Variants in ADAM32 observed in about 807,000 individuals in gnomAD.
ADAM32 encodes ADAM metallopeptidase domain 32, also known as disintegrin and metalloproteinase domain-containing protein 32.
ADAM32 carries 89 observed loss-of-function variants against 114.9 expected under a neutral mutation model. The ratio of observed to expected loss-of-function variants is 0.77; its 90% CI spans 0.65 to 0.92. ADAM32 has a LOEUF of 0.92. Among genes scored for constraint, ADAM32 ranks in the 40% least tolerant of loss-of-function variants. ADAM32 has a pLI of 0.00. For missense variants in ADAM32, 870 were observed against 932.8 expected (o/e 0.93, Z 0.88); for synonymous variants, 285 against 307.5 (o/e 0.93, Z 0.77).
intron 2 of ADAM32, among the ~76,000 whole-genome samples, chr8:39,135,098 T>A (rs1220746246): frequency 6.6e-6 from 1 of 152,108 alleles, no homozygotes; most frequent in Non-Finnish European, 1.5e-5. Flanking sequence ...GAAGTTGCGG[T>A]GAGCTGAGAT....
chr8:39,257,337 G>C lies in ADAM32; in HGVS notation c.2156G>C (p.Ser719Thr), dbSNP rs1811718200. The change falls in exon 19 of 25, where the codon AGT (serine) becomes ACT (threonine). Residue 719 changes from serine to threonine, a missense_variant. Transcript: ENST00000379907. ...TTCGCCAAGGAAGAGGAATTCCCAA[G>C]TAGCGAGTAAATTGCATTTGTGTTC... The part of the protein sequence containing the change: ...KWFAKEEEFP[S>T]SESKSEGSTQ... 1 of 1,612,868 alleles carries C rather than the reference G, an allele frequency of 6.2e-7. No individual in the cohort carries two copies. The highest frequency in any genetic ancestry group is 8.5e-7 in the Non-Finnish European group (1 of 1,179,290).
chr8:39,190,359 G>C (rs897690466), intron 11 of ADAM32, among the ~76,000 whole-genome samples: 3 of 152,108 alleles, frequency 2.0e-5, no homozygotes, highest in Non-Finnish European at 4.4e-5. Context: ...AAACATGAAG[G>C]TTCAGGTATC....
At chr8:39,234,340 G>C (rs1809962227) in intron 16 of ADAM32, among the ~76,000 whole-genome samples, 1 of 150,164 alleles carries the variant, frequency 6.7e-6, no homozygotes, top group South Asian at 2.1e-4. Context: ...TTGGGAGAGA[G>C]TCTTGGGAAT....
At chr8:39,179,299 G>A (rs571690926) in intron 10 of ADAM32, among the ~76,000 whole-genome samples, 4 of 152,304 alleles carry the variant, frequency 2.6e-5, no homozygotes, top group South Asian at 2.1e-4. Context: ...AACTTAGTCC[G>A]TCTCAGTCAG....
intron 24 of ADAM32, among the ~76,000 whole-genome samples, chr8:39,283,912 T>A (rs1340227377): frequency 1.3e-5 from 2 of 152,118 alleles, no homozygotes; most frequent in East Asian, 3.9e-4. Context: ...TAGCTGGGAT[T>A]ACAGGCGTGT....
At chr8:39,253,983 A>T (rs1811467997) in intron 17 of ADAM32, among the ~76,000 whole-genome samples, 1 of 151,736 alleles carries the variant, frequency 6.6e-6, no homozygotes, top group Admixed American at 6.6e-5. Flanking sequence ...TTCAAAATAC[A>T]GTACAAAGGT....
intron 3 of ADAM32, among the ~76,000 whole-genome samples, chr8:39,145,341 C>T (rs941975877): frequency 6.6e-6 from 1 of 152,126 alleles, no homozygotes; most frequent in Non-Finnish European, 1.5e-5. Flanking sequence ...CAAGGCACTA[C>T]TGAACAAAAA....
chr8:39,229,408 A>C (rs1353732853), intron 14 of ADAM32, among the ~76,000 whole-genome samples: 1 of 152,224 alleles, frequency 6.6e-6, no homozygotes, highest in East Asian at 1.9e-4. Flanking sequence ...AGAACTGCAG[A>C]ATGTATAAAA....
rs28389168 is a variant in ADAM32 at position 39,271,020 on chromosome 8, A to G, written c.2201+106A>G. 1.4e-3 allele frequency: 1,321 copies of G among 971,892 alleles called. 7 individuals are homozygous for G. The African/African-American group carries it at 0.019, about 14-fold the overall frequency. 60.2% of individuals were successfully genotyped at this position (971,892 alleles called of 1,614,324 possible). On this transcript the variant is annotated intron_variant, in intron 20 of 24. Coordinates refer to ENST00000379907, the MANE Select transcript of ADAM32 (RefSeq NM_145004.7). Reference sequence around the variant, plus strand: ...TTTTTTGAACATCAATTGGTAAAGCAATGCACTGAAATCCAGACTGCTAAT... The same window carrying G: ...TTTTTTGAACATCAATTGGTAAAGCGATGCACTGAAATCCAGACTGCTAAT...
chr8:39,142,559 T>C (rs1464201252), intron 3 of ADAM32, among the ~76,000 whole-genome samples: 1 of 152,228 alleles, frequency 6.6e-6, no homozygotes, highest in Non-Finnish European at 1.5e-5. Flanking sequence ...GTAGGGTTTC[T>C]GCCGAGAGAT....
intron 7 of ADAM32, among the ~76,000 whole-genome samples, chr8:39,162,167 C>A: frequency 8.8e-6 from 1 of 113,336 alleles, no homozygotes; most frequent in East Asian, 3.0e-4. Flanking sequence ...CCCCTCCCCC[C>A]ACCCCACAAT....
intron 19 of ADAM32, among the ~76,000 whole-genome samples, chr8:39,258,473 G>A (rs1811805501): frequency 6.6e-6 from 1 of 151,864 alleles, no homozygotes; most frequent in Non-Finnish European, 1.5e-5. Context: ...GAAAAATCTA[G>A]CAGGATTTCT....
chr8:39,180,475 G>A lies in ADAM32; in HGVS notation c.916-6434G>A, dbSNP rs554321921. Reference sequence around the variant, plus strand: ...CGAGCGCTGCCCCCTGCTCCACGGCGCCCAGTCCCATCGACCACCCGAGGG... The same window carrying A: ...CGAGCGCTGCCCCCTGCTCCACGGCACCCAGTCCCATCGACCACCCGAGGG... On this transcript the variant is annotated intron_variant, in intron 10 of 24. Coordinates refer to ENST00000379907, the MANE Select transcript of ADAM32 (RefSeq NM_145004.7). Among the ~76,000 whole-genome samples the A allele has an allele frequency of 5.6e-3, 854 of 152,312 alleles. 3 individuals carry two copies. The highest frequency in any genetic ancestry group is 0.037 in the Middle Eastern group (11 of 294).
chr8:39,231,974 A>C (rs1809762666), intron 14 of ADAM32, 53 bp from the exon 15 acceptor site: 1 of 1,354,390 alleles, frequency 7.4e-7, no homozygotes, highest in African/African-American at 1.5e-5. Context: ...GAAATGGAGG[A>C]AGATGAAAAA....
chr8:39,174,810 AT>A (rs1361332345), intron 10 of ADAM32, among the ~76,000 whole-genome samples: 7 of 151,874 alleles, frequency 4.6e-5, no homozygotes, highest in Non-Finnish European at 7.4e-5. Flanking sequence ...GATTCTTTCT[AT>A]TTATGAACAT....
At chr8:39,180,388 A>G (rs1438081537) in intron 10 of ADAM32, among the ~76,000 whole-genome samples, 1 of 152,158 alleles carries the variant, frequency 6.6e-6, no homozygotes, top group Non-Finnish European at 1.5e-5. Context: ...GCCATGCCTA[A>G]GCCTCCCCCG....
intron 11 of ADAM32, among the ~76,000 whole-genome samples, chr8:39,203,775 G>T (rs1196011581): frequency 6.6e-6 from 1 of 152,170 alleles, no homozygotes; most frequent in Non-Finnish European, 1.5e-5. Context: ...GGTACTGATT[G>T]TTCCTTTCCA....
chr8:39,147,072 T>C (rs1803548815), intron 3 of ADAM32, 58 bp from the exon 4 acceptor site: 4 of 688,504 alleles, frequency 5.8e-6, no homozygotes, highest in Non-Finnish European at 7.9e-6. Flanking sequence ...AAGTTTACTA[T>C]GTTTTTATAT....
chr8:39,185,557 T>C (rs1457732291), intron 10 of ADAM32, among the ~76,000 whole-genome samples: 2 of 152,154 alleles, frequency 1.3e-5, no homozygotes, highest in African/African-American at 4.8e-5. Context: ...TTTTTCACCA[T>C]ACAGTATGCC....
Sources: gnomAD v4.1 joint callset for allele counts (sites outside exome capture counted in the v4.1 genomes callset) on GRCh38, gnomAD v4.1.1 for gene constraint, MANE v1.5 for transcripts, NCBI Gene and HGNC (gene_info 2026-07-23, HGNC 2026-07-21) for gene names.